Variants in TNIK observed in about 807,000 individuals in gnomAD.
TNIK encodes the protein TRAF2 and NCK interacting kinase, also known as TRAF2 and NCK-interacting protein kinase.
In TNIK, 49 loss-of-function variants were observed where a neutral mutation model predicts 191.3. That is an observed-to-expected ratio of 0.26 (90% CI 0.20 to 0.32). The LOEUF (loss-of-function observed/expected upper bound fraction) is 0.32. Among genes scored for constraint, TNIK ranks in the 10% least tolerant of loss-of-function variants. The pLI is 1.00. For missense variants in TNIK, 1,155 were observed against 1,702.3 expected, an observed-to-expected ratio of 0.68 and a Z score of 5.66; for synonymous variants, 594 against 600.9, an observed-to-expected ratio of 0.99 and a Z score of 0.17.
intron 1 of TNIK, among the ~76,000 whole-genome samples, chr3:171,407,861 C>A (rs976834340): frequency 5.9e-5 from 9 of 152,132 alleles, no homozygotes; most frequent in African/African-American, 2.2e-4. Flanking sequence ...ATTTAACAGT[C>A]CAGAAAAAAA....
chr3:171,279,688 G>A (rs544708301), intron 2 of TNIK, among the ~76,000 whole-genome samples: 27 of 140,782 alleles, frequency 1.9e-4, no homozygotes, highest in Non-Finnish European at 3.4e-4. Context: ...TAGCAATGAC[G>A]ATGATGATGA....
At chr3:171,142,640 T>C (rs895730545) in intron 12 of TNIK, among the ~76,000 whole-genome samples, 2 of 152,164 alleles carry the variant, frequency 1.3e-5, no homozygotes, top group Admixed American at 6.5e-5. Context: ...GTCCCAGACA[T>C]GCAAGTATTT....
chr3:171,244,060 G>T (rs905723021), intron 2 of TNIK, among the ~76,000 whole-genome samples: 2 of 135,948 alleles, frequency 1.5e-5, no homozygotes, highest in African/African-American at 5.5e-5. Flanking sequence ...GACAGAAATA[G>T]TTTTTTTTTT....
intron 2 of TNIK, among the ~76,000 whole-genome samples, chr3:171,263,552 T>C (rs1440103491): frequency 1.3e-5 from 2 of 152,150 alleles, no homozygotes; most frequent in African/African-American, 4.8e-5. Flanking sequence ...CACATTTTTA[T>C]GGAACACCTA....
chr3:171,151,473 AT>A (rs1188837817), intron 12 of TNIK, among the ~76,000 whole-genome samples: 4 of 152,228 alleles, frequency 2.6e-5, no homozygotes, highest in Non-Finnish European at 5.9e-5. Flanking sequence ...AGAACAACTC[AT>A]ATTTATTGAG....
intron 1 of TNIK, among the ~76,000 whole-genome samples, chr3:171,387,861 T>C (rs2108537649): frequency 6.6e-6 from 1 of 151,754 alleles, no homozygotes; most frequent in South Asian, 2.1e-4. Context: ...GGGGATAGAG[T>C]GATTGTATGT....
chr3:171,393,351 G>T (rs1184005138), intron 1 of TNIK, among the ~76,000 whole-genome samples: 1 of 152,158 alleles, frequency 6.6e-6, no homozygotes, highest in Non-Finnish European at 1.5e-5. Flanking sequence ...GACAAGAAAG[G>T]CCCTAGATTC....
chr3:171,075,435 T>G (rs192449417), intron 28 of TNIK, among the ~76,000 whole-genome samples: 1 of 152,172 alleles, frequency 6.6e-6, no homozygotes, highest in Non-Finnish European at 1.5e-5. Context: ...CAAGAAAAAA[T>G]TAGAATTCCA....
chr3:171,295,738 T>C (rs1217973522), intron 2 of TNIK, among the ~76,000 whole-genome samples: 1 of 152,242 alleles, frequency 6.6e-6, no homozygotes, highest in African/African-American at 2.4e-5. Flanking sequence ...TAGCAATGTG[T>C]GGCCACCACA....
At chr3:171,150,071 A>T (rs1460046927) in intron 12 of TNIK, among the ~76,000 whole-genome samples, 1 of 151,874 alleles carries the variant, frequency 6.6e-6, no homozygotes, top group Non-Finnish European at 1.5e-5. Context: ...CTGGTAAAAA[A>T]CCCACACGAT....
At chr3:171,338,265 A>G (rs1757162603) in intron 2 of TNIK, among the ~76,000 whole-genome samples, 1 of 152,150 alleles carries the variant, frequency 6.6e-6, no homozygotes, top group African/African-American at 2.4e-5. Flanking sequence ...CAACAACAAC[A>G]AAAGTGACAT....
At chr3:171,082,123 G>A (rs535037929) in intron 27 of TNIK, 128 bp downstream of exon 27, 2 of 1,276,814 alleles carry the variant, frequency 1.6e-6, no homozygotes, top group South Asian at 1.6e-5. Flanking sequence ...TCTCACTCTG[G>A]CTATACTGCT....
chr3:171,141,907 A>G (rs567562695), intron 12 of TNIK, among the ~76,000 whole-genome samples: 3 of 151,540 alleles, frequency 2.0e-5, no homozygotes, highest in South Asian at 4.2e-4. Context: ...ATAAATTGTG[A>G]CTGTCTCACA....
chr3:171,209,540 T>A (rs1053072388), intron 4 of TNIK, among the ~76,000 whole-genome samples: 8 of 152,174 alleles, frequency 5.3e-5, no homozygotes, highest in African/African-American at 1.9e-4. Flanking sequence ...CCCTTTGTTG[T>A]CATATATCTC....
intron 18 of TNIK, 35 bp downstream of exon 18, chr3:171,123,561 T>G: frequency 6.8e-7 from 1 of 1,476,702 alleles, no homozygotes; most frequent in South Asian, 1.3e-5. Context: ...TGGGTAGGAG[T>G]TTCTTCTTTT....
intron 12 of TNIK, among the ~76,000 whole-genome samples, chr3:171,151,348 C>T (rs1293715010): frequency 6.6e-6 from 1 of 152,154 alleles, no homozygotes; most frequent in African/African-American, 2.4e-5. Flanking sequence ...AAGAAGCTTA[C>T]CTATTTACAT....
chr3:171,090,198 G>C (rs941981737), intron 23 of TNIK, among the ~76,000 whole-genome samples: 1 of 152,148 alleles, frequency 6.6e-6, no homozygotes, highest in African/African-American at 2.4e-5. Flanking sequence ...AAATGTGGAA[G>C]AAAGCAGAGA....
chr3:171,184,059 T>TTA (rs1238768777), intron 7 of TNIK, among the ~76,000 whole-genome samples: 1 of 152,024 alleles, frequency 6.6e-6, no homozygotes, highest in East Asian at 1.9e-4. Context: ...ATTAATCCCT[T>TTA]TATATATATT....
chr3:171,151,184 G>A (rs2108681555), intron 12 of TNIK, among the ~76,000 whole-genome samples: 1 of 152,334 alleles, frequency 6.6e-6, no homozygotes, highest in East Asian at 1.9e-4. Flanking sequence ...ACACAGCTAA[G>A]ATTAAACCTT....
Sources: allele counts gnomAD v4.1 joint callset (sites outside exome capture counted in the v4.1 genomes callset), GRCh38; gene constraint gnomAD v4.1.1; transcripts MANE v1.5; gene names NCBI Gene and HGNC (gene_info 2026-07-23, HGNC 2026-07-21).